NBEA: variants seen among roughly 807,000 people sequenced by gnomAD.
NBEA encodes the protein lysosomal-trafficking regulator 2.
Under a neutral mutation model 343.4 loss-of-function variants are expected in NBEA, and 44 were observed. That is an observed-to-expected ratio of 0.13 (90% CI 0.10 to 0.16). The LOEUF (loss-of-function observed/expected upper bound fraction) is 0.16. Among genes scored for constraint, NBEA ranks in the 10% least tolerant of loss-of-function variants. The pLI is 1.00. For missense variants in NBEA, 2,555 were observed against 3,631.3 expected (o/e 0.70, Z 7.62); for synonymous variants, 1,175 against 1,238.7 (o/e 0.95, Z 1.08).
intron 31 of NBEA, among the ~76,000 whole-genome samples, chr13:35,206,397 A>C (rs1432190954): frequency 6.6e-6 from 1 of 152,140 alleles, no homozygotes; most frequent in African/African-American, 2.4e-5. Flanking sequence ...TGCTGTTCTA[A>C]AAAAATCATG....
At chr13:35,205,154 AG>A (rs1295421866) in intron 31 of NBEA, among the ~76,000 whole-genome samples, 1 of 152,196 alleles carries the variant, frequency 6.6e-6, no homozygotes, top group Non-Finnish European at 1.5e-5. Flanking sequence ...AACAATATTA[AG>A]GACAAGAACG....
At chr13:35,668,078 C>T (rs1307823079) in intron 57 of NBEA, among the ~76,000 whole-genome samples, 1 of 152,166 alleles carries the variant, frequency 6.6e-6, no homozygotes, top group African/African-American at 2.4e-5. Context: ...ACTTAATGCT[C>T]AAATTCTTCC....
rs73498486 is a variant in NBEA at position 35,103,043 on chromosome 13, A to G, written c.1680+4638A>G. On this transcript the variant is annotated intron_variant, in intron 11 of 58. Coordinates refer to ENST00000379939, the MANE Select transcript of NBEA (RefSeq NM_001385012.1). The stretch of plus-strand genomic sequence containing the variant: ...GATTTTTTAGTTAAATTAAGGAATT[A>G]TCTATTTCTGGTTTCCTAAGAGTTT... Among the ~76,000 whole-genome samples, 1,008 of 151,900 alleles carry G rather than the reference A, an allele frequency of 6.6e-3. 10 individuals are homozygous for G. The highest frequency in any genetic ancestry group is 0.023 in the African/African-American group (955 of 41,538).
chr13:34,961,510 A>G (rs911397911), intron 1 of NBEA, among the ~76,000 whole-genome samples: 2 of 152,022 alleles, frequency 1.3e-5, no homozygotes, highest in East Asian at 1.9e-4. Flanking sequence ...ATACCAGTCT[A>G]TTGGATCTAA....
intron 49 of NBEA, among the ~76,000 whole-genome samples, chr13:35,634,411 TG>T (rs1299662647): frequency 6.6e-6 from 1 of 152,234 alleles, no homozygotes; most frequent in Non-Finnish European, 1.5e-5. Context: ...ACACTATTAC[TG>T]GCATTAAAGT....
chr13:35,336,588 G>GACA (rs199715894), intron 36 of NBEA, among the ~76,000 whole-genome samples: 17,431 of 151,958 alleles, frequency 0.11, 1,204 homozygotes, highest in East Asian at 0.22. Context: ...GTTCACTGCA[G>GACA]CATCATTCAC....
chr13:35,517,071 G>GT (rs1288460617), intron 41 of NBEA, among the ~76,000 whole-genome samples: 2 of 152,060 alleles, frequency 1.3e-5, no homozygotes, highest in Non-Finnish European at 1.5e-5. Flanking sequence ...TCTATCCCAT[G>GT]TTTTAGATCT....
intron 1 of NBEA, among the ~76,000 whole-genome samples, chr13:34,969,193 ACT>A (rs1396101007): frequency 2.0e-5 from 3 of 151,992 alleles, no homozygotes; most frequent in Non-Finnish European, 4.4e-5. Context: ...TATTCCTCTG[ACT>A]TAATGGGCCT....
chr13:35,287,519 G>A (rs954955275), intron 34 of NBEA, among the ~76,000 whole-genome samples: 1 of 151,674 alleles, frequency 6.6e-6, no homozygotes, highest in Non-Finnish European at 1.5e-5. Context: ...CACTCTTATA[G>A]TCTATTCATC....
intron 41 of NBEA, among the ~76,000 whole-genome samples, chr13:35,530,396 C>T (rs1316880148): frequency 6.6e-6 from 1 of 151,962 alleles, no homozygotes; most frequent in Non-Finnish European, 1.5e-5. Flanking sequence ...GGGACAGCCG[C>T]CCCAGACAGG....
At chr13:34,951,343 A>G (rs1026842396) in intron 1 of NBEA, among the ~76,000 whole-genome samples, 5 of 152,142 alleles carry the variant, frequency 3.3e-5, no homozygotes, top group Non-Finnish European at 7.3e-5. Context: ...TCAACCTTAT[A>G]AGATAGATAT....
At chr13:35,303,119 A>G (rs2244858) in intron 35 of NBEA, among the ~76,000 whole-genome samples, 29,513 of 152,092 alleles carry the variant, frequency 0.19, 3,092 homozygotes, top group African/African-American at 0.27. Flanking sequence ...AGGAGAACAA[A>G]AAAATCTTCT....
rs572640779 is a variant in NBEA at position 35,213,875 on chromosome 13, G to A, written c.5648+2696G>A. 7.8e-4 allele frequency among the ~76,000 whole-genome samples: 118 copies of A among 151,956 alleles called. 3 individuals carry two copies. The South Asian group carries it at 0.023, about 30-fold the overall frequency. On this transcript the variant is annotated intron_variant, in intron 33 of 58. Coordinates refer to ENST00000379939, the MANE Select transcript of NBEA (RefSeq NM_001385012.1). ...AGATGTAGAATATACCCATCACCCC[G>A]AAAGTTCTGTGTGCCCTGTTTGTTA...
chr13:35,001,258 A>G (rs1259707210), intron 1 of NBEA, among the ~76,000 whole-genome samples: 1 of 152,204 alleles, frequency 6.6e-6, no homozygotes. Context: ...GGACAACAGT[A>G]TGGAAGTTTC....
chr13:35,311,808 C>T (rs994423700), intron 36 of NBEA, among the ~76,000 whole-genome samples: 1 of 152,026 alleles, frequency 6.6e-6, no homozygotes, highest in Non-Finnish European at 1.5e-5. Flanking sequence ...GAGCCAAGAT[C>T]GTGCCATTGC....
intron 41 of NBEA, among the ~76,000 whole-genome samples, chr13:35,481,939 C>T (rs1024491012): frequency 5.3e-5 from 8 of 151,768 alleles, no homozygotes; most frequent in African/African-American, 1.9e-4. Context: ...CTGTTAATCC[C>T]TACATCTGTA....
At chr13:35,317,900 T>C (rs994978829) in intron 36 of NBEA, among the ~76,000 whole-genome samples, 2 of 152,160 alleles carry the variant, frequency 1.3e-5, no homozygotes, top group African/African-American at 4.8e-5. Context: ...GGCTCTCTGT[T>C]TGTCTATTAC....
chr13:35,421,720 A>G (rs1044025361), intron 38 of NBEA, among the ~76,000 whole-genome samples: 7 of 152,046 alleles, frequency 4.6e-5, no homozygotes, highest in Non-Finnish European at 8.8e-5. Context: ...GGCAATAAAT[A>G]TTCTGTTTTT....
chr13:35,280,947 G>GT (rs879862203), intron 34 of NBEA, among the ~76,000 whole-genome samples: 2 of 151,784 alleles, frequency 1.3e-5, no homozygotes, highest in South Asian at 2.1e-4. Context: ...CACTAGAAGT[G>GT]TTTTTTTAAA....
Sources: gnomAD v4.1 joint callset for allele counts (sites outside exome capture counted in the v4.1 genomes callset) on GRCh38, gnomAD v4.1.1 for gene constraint, MANE v1.5 for transcripts, NCBI Gene and HGNC (gene_info 2026-07-23, HGNC 2026-07-21) for gene names.